FAM53B: variants seen among roughly 807,000 people sequenced by gnomAD.
FAM53B encodes the protein family with sequence similarity 53 member B.
In FAM53B, 12 loss-of-function variants were observed where a neutral mutation model predicts 32.7. That is an observed-to-expected ratio of 0.37 (90% CI 0.24 to 0.59). FAM53B has a LOEUF of 0.59. Among genes scored for constraint, FAM53B ranks in the 20% least tolerant of loss-of-function variants. The pLI, the probability that FAM53B is intolerant of heterozygous loss-of-function variation, is 0.72. For synonymous variants in FAM53B, 234 were observed against 228.7 expected (o/e 1.02, Z -0.21); for missense variants, 477 against 577.7 (o/e 0.83, Z 1.79).
At chr10:124,644,886 G>A (rs1949501823) in intron 4 of FAM53B, among the ~76,000 whole-genome samples, 1 of 152,214 alleles carries the variant, frequency 6.6e-6, no homozygotes, top group Non-Finnish European at 1.5e-5. Flanking sequence ...ACTCGGTGCT[G>A]CAAGAACATC....
At chr10:124,669,066 G>A (rs962528139) in intron 4 of FAM53B, among the ~76,000 whole-genome samples, 5 of 152,184 alleles carry the variant, frequency 3.3e-5, no homozygotes, top group East Asian at 1.9e-4. Flanking sequence ...CCTCCTCCCC[G>A]CCATTCAAGA....
rs975577636 is a variant in FAM53B, at chr10:124,642,932, C to G, written c.907-19328G>C. Among the ~76,000 whole-genome samples the G allele has an allele frequency of 2.4e-4, 37 of 152,210 alleles. 1 individual carries two copies. Among genetic ancestry groups the G allele is most frequent in the Admixed American group, 9.8e-4 (15 of 15,288 alleles). ...TCTTTCATCTCTACCACTGTCTCCT[C>G]TAAGTAAGACCCCACAGTGTTTTCA... On this transcript the variant is annotated intron_variant, in intron 4 of 4. Transcript: ENST00000337318.
chr10:124,626,229 C>T (rs533957229), intron 4 of FAM53B, among the ~76,000 whole-genome samples: 13 of 152,362 alleles, frequency 8.5e-5, no homozygotes, highest in East Asian at 5.8e-4. Flanking sequence ...ATCGGACAGA[C>T]GCCGCACAGC....
Position 124,619,755 on chromosome 10 carries a change from G to C in FAM53B, c.*3487C>G, listed in dbSNP as rs974996390. 1 of 152,712 alleles carries C rather than the reference G, an allele frequency of 6.5e-6. No individual in the cohort carries two copies. Among genetic ancestry groups the C allele is most frequent in the Non-Finnish European group, 1.5e-5 (1 of 68,066 alleles). 9.5% of individuals were successfully genotyped at this position (152,712 alleles called of 1,614,324 possible). On this transcript the variant is annotated 3_prime_UTR_variant, in exon 5 of 5. Coordinates refer to ENST00000337318, the MANE Select transcript of FAM53B (RefSeq NM_014661.4). The stretch of plus-strand genomic sequence containing the variant: ...ATGGCAAGGTGTGGCATCATTGCCA[G>C]TGTGGGGCCAGAGGGTGCCCGAGCC...
At chr10:124,712,752 C>CTCT (rs1950012996) in intron 1 of FAM53B, among the ~76,000 whole-genome samples, 2 of 152,230 alleles carry the variant, frequency 1.3e-5, no homozygotes, top group African/African-American at 4.8e-5. Context: ...GGCACCCCAA[C>CTCT]CTGATCATGG....
At chr10:124,646,478 C>T (rs987196116) in intron 4 of FAM53B, among the ~76,000 whole-genome samples, 1 of 152,230 alleles carries the variant, frequency 6.6e-6, no homozygotes, top group Non-Finnish European at 1.5e-5. Context: ...CCATCTACCA[C>T]AGGCCAAGGC....
chr10:124,728,740 A>G (rs891683647), intron 1 of FAM53B, among the ~76,000 whole-genome samples: 1 of 152,256 alleles, frequency 6.6e-6, no homozygotes, highest in Non-Finnish European at 1.5e-5. Flanking sequence ...TCAAAGGGAA[A>G]GCTTGATGGA....
chr10:124,730,547 T>C (rs1015485727), intron 1 of FAM53B, among the ~76,000 whole-genome samples: 1 of 152,238 alleles, frequency 6.6e-6, no homozygotes, highest in Non-Finnish European at 1.5e-5. Context: ...TTCAGCAGAA[T>C]ACCTCCTCTG....
At chr10:124,649,022 C>T (rs1949539036) in intron 4 of FAM53B, among the ~76,000 whole-genome samples, 2 of 152,220 alleles carry the variant, frequency 1.3e-5, no homozygotes, top group African/African-American at 2.4e-5. Context: ...GGCAGACTGC[C>T]AAAGGCAGGC....
At chr10:124,659,344 G>A (rs1949614563) in intron 4 of FAM53B, among the ~76,000 whole-genome samples, 2 of 152,274 alleles carry the variant, frequency 1.3e-5, no homozygotes, top group Admixed American at 6.5e-5. Flanking sequence ...CTGATCAGCA[G>A]CTTTTCCTCC....
chr10:124,627,647 A>G (rs1273975085), intron 4 of FAM53B, among the ~76,000 whole-genome samples: 1 of 152,144 alleles, frequency 6.6e-6, no homozygotes, highest in Non-Finnish European at 1.5e-5. Context: ...ACCTACTCCT[A>G]GAGTCTGCAA....
intron 4 of FAM53B, among the ~76,000 whole-genome samples, chr10:124,675,819 C>T (rs1411257083): frequency 6.6e-6 from 1 of 152,240 alleles, no homozygotes; most frequent in African/African-American, 2.4e-5. Flanking sequence ...AGGTGCCTCA[C>T]CATGTGACTT....
intron 1 of FAM53B, among the ~76,000 whole-genome samples, chr10:124,720,468 A>T (rs1950062368): frequency 6.6e-6 from 1 of 151,812 alleles, no homozygotes; most frequent in Non-Finnish European, 1.5e-5. Flanking sequence ...TTCGAAAATA[A>T]TTTTTTTTTA....
intron 2 of FAM53B, among the ~76,000 whole-genome samples, chr10:124,704,490 G>C (rs1949936925): frequency 6.6e-6 from 1 of 152,196 alleles, no homozygotes; most frequent in Admixed American, 6.5e-5. Context: ...GCTGGCGCTG[G>C]GACTGAACTG....
At chr10:124,738,331 T>C (rs115471609) in intron 1 of FAM53B, among the ~76,000 whole-genome samples, 2 of 151,894 alleles carry the variant, frequency 1.3e-5, no homozygotes, top group African/African-American at 4.8e-5. Flanking sequence ...TGTGATGTAA[T>C]TGGGCCTGAA....
intron 4 of FAM53B, chr10:124,623,904 T>C (rs1033324918): frequency 4.9e-5 from 18 of 366,078 alleles, no homozygotes; most frequent in Non-Finnish European, 4.9e-6. Flanking sequence ...ACAGGAATGC[T>C]CCTAACACTT....
At chr10:124,629,756 G>A (rs1008922034) in intron 4 of FAM53B, among the ~76,000 whole-genome samples, 2 of 152,214 alleles carry the variant, frequency 1.3e-5, no homozygotes, top group Non-Finnish European at 2.9e-5. Context: ...TGGTTTCCTA[G>A]GCTTTTTAAA....
intron 4 of FAM53B, among the ~76,000 whole-genome samples, chr10:124,635,909 A>G (rs1420095482): frequency 1.3e-5 from 2 of 152,212 alleles, no homozygotes; most frequent in Non-Finnish European, 1.5e-5. Flanking sequence ...ATTGCATGCT[A>G]TTATCTCCTC....
intron 1 of FAM53B, among the ~76,000 whole-genome samples, chr10:124,720,898 C>T (rs183904169): frequency 8.2e-4 from 125 of 152,274 alleles, no homozygotes; most frequent in African/African-American, 2.9e-3. Flanking sequence ...TAACTGGGAC[C>T]GCTAAAGTTC....
Sources: gnomAD v4.1 joint callset for allele counts (sites outside exome capture counted in the v4.1 genomes callset) on GRCh38, gnomAD v4.1.1 for gene constraint, MANE v1.5 for transcripts, NCBI Gene and HGNC (gene_info 2026-07-23, HGNC 2026-07-21) for gene names.